Variants in BTBD16 observed in about 807,000 individuals in gnomAD.
BTBD16 encodes the protein BTB/POZ domain-containing protein 16.
A neutral mutation model predicts 67.4 loss-of-function variants in BTBD16; 66 were observed. The ratio of observed to expected loss-of-function variants is 0.98; its 90% CI spans 0.80 to 1.20. The LOEUF (loss-of-function observed/expected upper bound fraction) is 1.20, where lower values mean the gene tolerates loss of function less well. Ranked by LOEUF, BTBD16 falls within the 50% of genes most tolerant of loss-of-function variation. BTBD16 has a pLI of 0.00. For synonymous variants in BTBD16, 242 were observed against 236.4 expected (o/e 1.02, Z -0.22); for missense variants, 634 against 616.0 (o/e 1.03, Z -0.31).
intron 3 of BTBD16, among the ~76,000 whole-genome samples, chr10:122,282,058 A>C (rs1308555418): frequency 6.6e-6 from 1 of 152,194 alleles, no homozygotes; most frequent in Non-Finnish European, 1.5e-5. Context: ...CTACATGACG[A>C]ATGGTATATC....
At chr10:122,274,535 G>A (rs1464468301) in intron 1 of BTBD16, among the ~76,000 whole-genome samples, 1 of 152,172 alleles carries the variant, frequency 6.6e-6, no homozygotes, top group Non-Finnish European at 1.5e-5. Context: ...TCTGTTGCTT[G>A]TAACCCAACA....
chr10:122,287,929 T>A (rs1460370594), intron 5 of BTBD16, among the ~76,000 whole-genome samples: 2 of 152,148 alleles, frequency 1.3e-5, no homozygotes, highest in African/African-American at 4.8e-5. Context: ...ATGAACAAAT[T>A]ATTGATATCT....
intron 9 of BTBD16, among the ~76,000 whole-genome samples, chr10:122,301,286 C>T (rs2096393411): frequency 6.6e-6 from 1 of 152,162 alleles, no homozygotes; most frequent in Non-Finnish European, 1.5e-5. Flanking sequence ...TGACCACAAC[C>T]GGAAGGTTAG....
chr10:122,317,937 T>C (rs1429195657), intron 10 of BTBD16, among the ~76,000 whole-genome samples: 1 of 152,198 alleles, frequency 6.6e-6, no homozygotes, highest in Non-Finnish European at 1.5e-5. Flanking sequence ...AAGTATATAA[T>C]AGTACATAAG....
At chr10:122,331,029 A>C in intron 11 of BTBD16, 147 bp from the exon 12 acceptor site, 1 of 1,006,898 alleles carries the variant, frequency 9.9e-7, no homozygotes. Flanking sequence ...TTTTATTTCC[A>C]CTTTGTCAAT....
chr10:122,323,098 A>G (rs904748521), intron 10 of BTBD16, among the ~76,000 whole-genome samples: 1 of 152,152 alleles, frequency 6.6e-6, no homozygotes, highest in Non-Finnish European at 1.5e-5. Context: ...GGTGGTTTTA[A>G]CCTCTGAAAT....
chr10:122,292,281 G>A (rs2096375519), intron 7 of BTBD16, among the ~76,000 whole-genome samples: 1 of 152,246 alleles, frequency 6.6e-6, no homozygotes, highest in Non-Finnish European at 1.5e-5. Flanking sequence ...AGCACATAGG[G>A]CTTTAGGATG....
chr10:122,302,532 C>G (rs1036987269), intron 9 of BTBD16, among the ~76,000 whole-genome samples: 3 of 152,188 alleles, frequency 2.0e-5, no homozygotes, highest in Non-Finnish European at 2.9e-5. Flanking sequence ...GCCTATAACC[C>G]GAGAAGTCTC....
chr10:122,336,755 G>A (rs1372738469), intron 15 of BTBD16, 73 bp downstream of exon 15: 2 of 1,363,594 alleles, frequency 1.5e-6, no homozygotes, highest in Non-Finnish European at 2.0e-6. Context: ...GGGGATCACT[G>A]GCTTCTAATC....
chr10:122,289,994 A>T lies in BTBD16; in HGVS notation c.471A>T (p.Lys157Asn). Reference protein sequence around the residue: ...SLKINDPLVTKVAFATALKNL... With the variant: ...SLKINDPLVTNVAFATALKNL... ...AGATCAATGACCCACTGGTCACTAA[A>T]GTCGGTATGTATATACCCGTCTATA... Residue 157 changes from lysine (K) to asparagine (N), a missense_variant, in exon 6 of 16, where the codon AAA (lysine) becomes AAT (asparagine). Physicochemically the swap from Lys to Asn is moderately conservative, Grantham distance 94 (BLOSUM62 0). Transcript: ENST00000260723. 6.2e-7 allele frequency: 1 copy of T among 1,605,184 alleles called. No individual in the cohort carries two copies. The highest frequency in any genetic ancestry group is 2.2e-5 in the East Asian group (1 of 44,824).
Position 122,332,447 on chromosome 10 carries a change from G to T in BTBD16, c.1098G>T (p.Gly366=). The part of the protein sequence containing the change: ...TVNHYHALEN[G]GDMVHLKDLN... The stretch of plus-strand genomic sequence containing the variant: ...CATTTTCCTTTCAGCTGGAGAATGG[G>T]GGCGACATGGTCCACCTGAAAGATC... The change falls in exon 13 of 16, where the codon GGG becomes GGT. Residue 366 remains glycine, a synonymous_variant. Transcript: ENST00000260723. 6.2e-7 allele frequency: 1 copy of T among 1,614,048 alleles called. No homozygotes were observed.
At chr10:122,274,842 G>C (rs927861976) in intron 1 of BTBD16, among the ~76,000 whole-genome samples, 198 bp from the exon 2 acceptor site, 3 of 132,060 alleles carry the variant, frequency 2.3e-5, no homozygotes, top group African/African-American at 8.6e-5. Context: ...CTATTCACCT[G>C]CTTACAAAAA....
At chr10:122,316,848 G>T (rs2096425664) in intron 10 of BTBD16, among the ~76,000 whole-genome samples, 1 of 151,972 alleles carries the variant, frequency 6.6e-6, no homozygotes, top group Non-Finnish European at 1.5e-5. Context: ...GAGTGCAACG[G>T]CGCAATCTCG....
chr10:122,277,372 C>G (rs1457616542), intron 3 of BTBD16, among the ~76,000 whole-genome samples: 1 of 152,176 alleles, frequency 6.6e-6, no homozygotes, highest in South Asian at 2.1e-4. Context: ...GCTAGACCCA[C>G]TTCTCCATGT....
At chr10:122,322,294 C>G (rs2096436862) in intron 10 of BTBD16, among the ~76,000 whole-genome samples, 1 of 152,100 alleles carries the variant, frequency 6.6e-6, no homozygotes, top group South Asian at 2.1e-4. Context: ...AGGCTTTCTT[C>G]TTTTCTGATT....
At chr10:122,310,177 A>G (rs2096411273) in intron 10 of BTBD16, among the ~76,000 whole-genome samples, 1 of 152,252 alleles carries the variant, frequency 6.6e-6, no homozygotes, top group South Asian at 2.1e-4. Flanking sequence ...GAGATAGCAG[A>G]CACATTTCCG....
intron 10 of BTBD16, among the ~76,000 whole-genome samples, chr10:122,324,153 C>T (rs1036907071): frequency 1.7e-4 from 26 of 152,170 alleles, no homozygotes; most frequent in Admixed American, 1.6e-3. Context: ...TTGACAAAGC[C>T]GGTTCCAGAA....
chr10:122,315,680 T>A (rs760353359), intron 10 of BTBD16, among the ~76,000 whole-genome samples: 12 of 152,214 alleles, frequency 7.9e-5, no homozygotes, highest in Non-Finnish European at 1.6e-4. Flanking sequence ...ATGTTCTTTA[T>A]ATATAGTATT....
chr10:122,276,761 A>G lies in BTBD16; in HGVS notation c.19-30A>G, dbSNP rs774345309. On this transcript the variant is annotated intron_variant, in intron 2 of 15. Coordinates refer to ENST00000260723, the MANE Select transcript of BTBD16 (RefSeq NM_144587.5). ...CATTTATGTGAAGTTAGAAAAAAAGATGTCTTCTCTTTCTTTGATTACCAA... is the reference window on the plus strand; with the variant it reads ...CATTTATGTGAAGTTAGAAAAAAAGGTGTCTTCTCTTTCTTTGATTACCAA... 2.5e-6 allele frequency: 4 copies of G among 1,597,538 alleles called. No individual in the cohort carries two copies. The East Asian group carries it at 6.7e-5, about 27-fold the overall frequency.
Sources: gnomAD v4.1 joint callset for allele counts (sites outside exome capture counted in the v4.1 genomes callset) on GRCh38, gnomAD v4.1.1 for gene constraint, MANE v1.5 for transcripts, NCBI Gene and HGNC (gene_info 2026-07-23, HGNC 2026-07-21) for gene names.